Variants in ZNF827 observed in about 807,000 individuals in gnomAD.
ZNF827 encodes zinc finger protein 827.
Under a neutral mutation model 102.4 loss-of-function variants are expected in ZNF827, and 13 were observed. That is an observed-to-expected ratio of 0.13 (90% CI 0.08 to 0.20). The LOEUF is 0.20. Ranked by LOEUF, ZNF827 falls within the 10% of genes least tolerant of loss-of-function variation. The pLI, the probability that ZNF827 is intolerant of heterozygous loss-of-function variation, is 1.00. For missense variants in ZNF827, 1,103 were observed against 1,344.4 expected (o/e 0.82, Z 2.81); for synonymous variants, 523 against 536.2 (o/e 0.98, Z 0.34).
chr4:145,929,535 A>G lies in ZNF827; in HGVS notation c.43+8830T>C, dbSNP rs77207807. On this transcript the variant is annotated intron_variant, in intron 1 of 14. Transcript: ENST00000508784. Reference sequence around the variant, plus strand: ...AAACTCATTCCTGTAGTAAAAGCCTAATATAATATTGTTGGCCTATGAAAC... The same window carrying G: ...AAACTCATTCCTGTAGTAAAAGCCTGATATAATATTGTTGGCCTATGAAAC... Among the ~76,000 whole-genome samples, 83 of 152,328 alleles carry G rather than the reference A, an allele frequency of 5.4e-4. 1 individual carries two copies. The East Asian group carries it at 0.014, about 25-fold the overall frequency.
At chr4:145,846,432 C>G (rs940356244) in intron 6 of ZNF827, among the ~76,000 whole-genome samples, 1 of 150,206 alleles carries the variant, frequency 6.7e-6, no homozygotes, top group Non-Finnish European at 1.5e-5. Context: ...GAGCCGAGAT[C>G]GCGCCACTAC....
At chr4:145,844,543 G>A (rs1022277197) in intron 7 of ZNF827, among the ~76,000 whole-genome samples, 10 of 151,708 alleles carry the variant, frequency 6.6e-5, no homozygotes, top group African/African-American at 2.4e-4. Context: ...AGCAGAGGAT[G>A]GTGGCATATA....
chr4:145,833,794 C>A (rs1394104756), intron 7 of ZNF827, among the ~76,000 whole-genome samples: 4 of 151,758 alleles, frequency 2.6e-5, no homozygotes, highest in Non-Finnish European at 5.9e-5. Flanking sequence ...CTCTGTGCCC[C>A]AATCCCTTAT....
At chr4:145,849,238 T>G (rs140100070) in intron 6 of ZNF827, 84 bp downstream of exon 6, 15 of 494,784 alleles carry the variant, frequency 3.0e-5, no homozygotes, top group South Asian at 2.9e-4. Context: ...ATAATTCAGG[T>G]TTTTTTTTTT....
intron 8 of ZNF827, among the ~76,000 whole-genome samples, chr4:145,802,665 A>G (rs1412979469): frequency 6.6e-6 from 1 of 152,270 alleles, no homozygotes; most frequent in African/African-American, 2.4e-5. Flanking sequence ...ATTTTTTAAA[A>G]GGGTGAAATA....
chr4:145,868,785 T>C (rs1339737657), intron 5 of ZNF827, among the ~76,000 whole-genome samples: 1 of 152,230 alleles, frequency 6.6e-6, no homozygotes, highest in Non-Finnish European at 1.5e-5. Context: ...AAATATTATA[T>C]ACTGGAATCT....
At chr4:145,819,550 T>A (rs917647945) in intron 8 of ZNF827, among the ~76,000 whole-genome samples, 6 of 152,200 alleles carry the variant, frequency 3.9e-5, no homozygotes, top group Admixed American at 2.6e-4. Context: ...TTGATGTAAA[T>A]CTTGCACAAA....
chr4:145,841,100 C>T (rs986816938), intron 7 of ZNF827, among the ~76,000 whole-genome samples: 5 of 152,114 alleles, frequency 3.3e-5, no homozygotes, highest in African/African-American at 9.7e-5. Flanking sequence ...TGTTATAGGC[C>T]TGCAATTTTA....
chr4:145,833,977 G>A (rs903744706), intron 7 of ZNF827, among the ~76,000 whole-genome samples: 1 of 150,796 alleles, frequency 6.6e-6, no homozygotes, highest in African/African-American at 2.4e-5. Context: ...CTTTTCTCTA[G>A]GCTTGCTTCC....
chr4:145,854,123 G>A (rs1746828548), intron 5 of ZNF827, among the ~76,000 whole-genome samples: 1 of 151,874 alleles, frequency 6.6e-6, no homozygotes, highest in Non-Finnish European at 1.5e-5. Flanking sequence ...CTAGGAGTTT[G>A]GAAGTCTTCC....
chr4:145,925,555 G>C (rs527824184), intron 1 of ZNF827, among the ~76,000 whole-genome samples: 16 of 152,266 alleles, frequency 1.1e-4, no homozygotes, highest in South Asian at 6.2e-4. Flanking sequence ...CTGTGAGCCA[G>C]GTAAATGCTC....
chr4:145,788,634 C>A (rs1156656130), intron 8 of ZNF827, among the ~76,000 whole-genome samples: 2 of 152,048 alleles, frequency 1.3e-5, no homozygotes, highest in African/African-American at 2.4e-5. Context: ...TGAACAGCAA[C>A]CTAATTTTAT....
At chr4:145,921,711 T>C (rs1753081142) in intron 1 of ZNF827, among the ~76,000 whole-genome samples, 1 of 152,078 alleles carries the variant, frequency 6.6e-6, no homozygotes, top group African/African-American at 2.4e-5. Context: ...TCATGGACAA[T>C]GAGGACAGCA....
chr4:145,901,879 C>A (rs988288530), intron 2 of ZNF827, among the ~76,000 whole-genome samples: 1 of 151,904 alleles, frequency 6.6e-6, no homozygotes, highest in African/African-American at 2.4e-5. Flanking sequence ...ATGGACCTAG[C>A]CTGAACTTAG....
intron 7 of ZNF827, among the ~76,000 whole-genome samples, chr4:145,829,126 C>T (rs1315900608): frequency 1.3e-5 from 2 of 151,790 alleles, no homozygotes; most frequent in Non-Finnish European, 2.9e-5. Context: ...AATGACACAA[C>T]AGTTTTAAAG....
intron 4 of ZNF827, among the ~76,000 whole-genome samples, chr4:145,882,783 A>G (rs538613448): frequency 2.2e-4 from 33 of 152,308 alleles, no homozygotes; most frequent in African/African-American, 7.5e-4. Flanking sequence ...GTGCCCACAA[A>G]CAGCTGCACC....
At chr4:145,927,159 G>T (rs184659789) in intron 1 of ZNF827, among the ~76,000 whole-genome samples, 2 of 152,202 alleles carry the variant, frequency 1.3e-5, no homozygotes, top group Admixed American at 1.3e-4. Context: ...AGGACTGTTG[G>T]GTTAACAAGT....
At chr4:145,785,730 G>C (rs1039951331) in intron 8 of ZNF827, among the ~76,000 whole-genome samples, 2 of 152,194 alleles carry the variant, frequency 1.3e-5, no homozygotes, top group Non-Finnish European at 2.9e-5. Context: ...CTCTGGGAGA[G>C]CAGAGACAGA....
chr4:145,788,756 A>G (rs1739255736), intron 8 of ZNF827, among the ~76,000 whole-genome samples: 1 of 152,192 alleles, frequency 6.6e-6, no homozygotes, highest in Non-Finnish European at 1.5e-5. Flanking sequence ...CTTAATGATG[A>G]TGGTAAGATT....
Sources: allele counts gnomAD v4.1 joint callset (sites outside exome capture counted in the v4.1 genomes callset), GRCh38; gene constraint gnomAD v4.1.1; transcripts MANE v1.5; gene names NCBI Gene and HGNC (gene_info 2026-07-23, HGNC 2026-07-21).